KLHL28: variants seen among roughly 807,000 people sequenced by gnomAD.
KLHL28 encodes kelch like family member 28.
A neutral mutation model predicts 48.3 loss-of-function variants in KLHL28; 22 were observed. The observed-to-expected ratio is 0.46, with a 90% CI of 0.33 to 0.65. The LOEUF (loss-of-function observed/expected upper bound fraction) is 0.65. Among genes scored for constraint, KLHL28 ranks in the 30% least tolerant of loss-of-function variants. The pLI is 0.03. For missense variants in KLHL28, 527 were observed against 704.3 expected (o/e 0.75, Z 2.85); for synonymous variants, 243 against 242.4 (o/e 1.00, Z -0.02).
chr14:44,942,534 C>CT (rs934286278), intron 2 of KLHL28, among the ~76,000 whole-genome samples: 75 of 144,590 alleles, frequency 5.2e-4, no homozygotes, highest in Middle Eastern at 3.7e-3. Context: ...ACATAAAAGT[C>CT]TTTTTTTTTT....
chr14:44,947,179 G>A (rs1884374665), intron 1 of KLHL28, among the ~76,000 whole-genome samples: 1 of 152,206 alleles, frequency 6.6e-6, no homozygotes. Context: ...GAAGGCAGAA[G>A]GAGACGTGAC....
rs1413172682 is a variant in KLHL28 at position 44,945,386 on chromosome 14, C to G, written c.543G>C (p.Leu181Phe). 1.2e-6 allele frequency: 2 copies of G among 1,614,124 alleles called. No homozygotes were observed. Among genetic ancestry groups the G allele is most frequent in the Non-Finnish European group, 1.7e-6 (2 of 1,180,018 alleles). ...EEFFELTHAD[L>F]DEIVSNDCLN... Reference sequence around the variant, plus strand: ...AACAGTCATTGGAAACAATTTCATCCAAGTCAGCATGTGTAAGCTCAAAAA... The same window carrying G: ...AACAGTCATTGGAAACAATTTCATCGAAGTCAGCATGTGTAAGCTCAAAAA... Residue 181 changes from leucine (L) to phenylalanine (F), a missense_variant, in exon 2 of 5, where the codon TTG becomes TTC. Coordinates refer to ENST00000396128, the MANE Select transcript of KLHL28 (RefSeq NM_017658.5).
chr14:44,938,285 T>C lies in KLHL28; in HGVS notation c.900-3727A>G, dbSNP rs1412329574. Among the ~76,000 whole-genome samples the C allele has an allele frequency of 3.3e-5, 5 of 151,962 alleles. No individual in the cohort carries two copies. The East Asian group carries it at 7.7e-4, about 24-fold the overall frequency. On this transcript the variant is annotated intron_variant, in intron 2 of 4. Transcript: ENST00000396128. Reference sequence around the variant, plus strand: ...ACACAATGGTGAGAAAGGCAGAGAATAGATATTCTCCTTCCAAAAGGGAGA... The same window carrying C: ...ACACAATGGTGAGAAAGGCAGAGAACAGATATTCTCCTTCCAAAAGGGAGA...
intron 2 of KLHL28, among the ~76,000 whole-genome samples, chr14:44,936,446 A>T (rs948567042): frequency 2.0e-5 from 3 of 152,178 alleles, no homozygotes; most frequent in African/African-American, 7.2e-5. Context: ...TGGTCTTAGA[A>T]ATAACTTGGC....
At chr14:44,943,845 G>A (rs1404678788) in intron 2 of KLHL28, among the ~76,000 whole-genome samples, 1 of 151,452 alleles carries the variant, frequency 6.6e-6, no homozygotes, top group Non-Finnish European at 1.5e-5. Context: ...CTCCTGATTA[G>A]CTGGGACTAC....
Position 44,952,760 on chromosome 14 carries a change from A to ATGGT in KLHL28, c.1-6833_1-6832insACCA, listed in dbSNP as rs1245514822. On this transcript the variant is annotated intron_variant, in intron 1 of 4. Coordinates refer to ENST00000396128, the MANE Select transcript of KLHL28 (RefSeq NM_017658.5). ...CTGTGACTATATTTGGTTCTCAGCT[A>ATGGT]TCTACCCATAAATGGCTAAAAAAAG... Among the ~76,000 whole-genome samples the ATGGT allele has an allele frequency of 5.2e-3, 792 of 152,316 alleles. 9 individuals are homozygous for ATGGT. The highest frequency in any genetic ancestry group is 0.018 in the African/African-American group (735 of 41,576).
intron 1 of KLHL28, chr14:44,960,870 T>C (rs1208518422): frequency 6.8e-7 from 1 of 1,467,372 alleles, no homozygotes; most frequent in East Asian, 2.5e-5. Context: ...TTAAAAAGTA[T>C]TTAAGAGAAA....
intron 2 of KLHL28, among the ~76,000 whole-genome samples, chr14:44,944,377 T>C (rs547870605): frequency 8.5e-5 from 13 of 152,342 alleles, no homozygotes; most frequent in African/African-American, 3.1e-4. Flanking sequence ...CAGAGTTAAG[T>C]AGATGCCACA....
rs867860974 is a variant in KLHL28, at chr14:44,934,030, C to G, written c.1343+85G>C. The G allele has an allele frequency of 2.7e-6, 3 of 1,101,130 alleles. No homozygotes were observed. In the Middle Eastern group the frequency reaches 6.3e-4, roughly 232 times the overall value. 68.2% of individuals were successfully genotyped at this position (1,101,130 alleles called of 1,614,324 possible). ...AATGCCGGAAGTTCATTCATACACA[C>G]AAATTGTTTAAAACTCAGAAATCAT... On this transcript the variant is annotated intron_variant, in intron 3 of 4. Transcript: ENST00000396128.
At chr14:44,939,461 C>T (rs986423601) in intron 2 of KLHL28, among the ~76,000 whole-genome samples, 20 of 152,252 alleles carry the variant, frequency 1.3e-4, no homozygotes, top group East Asian at 3.9e-4. Context: ...CTTTCTGTTC[C>T]GCTTACCATT....
At position 44,932,758 on chromosome 14, in the gene KLHL28, T is replaced by A. The variant is rs530005368; in HGVS notation, c.1344-1217A>T. On this transcript the variant is annotated intron_variant, in intron 3 of 4. Coordinates refer to ENST00000396128, the MANE Select transcript of KLHL28 (RefSeq NM_017658.5). ...TAATCAAATTTAAAATACTTAACCT[T>A]TTATCTTACAAATTTTGGGCAGAAG... Among the ~76,000 whole-genome samples, 8 of 152,270 alleles carry A rather than the reference T, an allele frequency of 5.3e-5. No homozygotes were observed. In the East Asian group the frequency reaches 1.5e-3, roughly 29 times the overall value.
At chr14:44,959,230 C>G (rs1594588377) in intron 1 of KLHL28, 1 of 152,036 alleles carries the variant, frequency 6.6e-6, no homozygotes, top group Non-Finnish European at 1.5e-5. Flanking sequence ...CTTCCTCTGT[C>G]CAATTACTCT....
At chr14:44,960,057 A>T (rs1307373833) in intron 1 of KLHL28, among the ~76,000 whole-genome samples, 1 of 152,234 alleles carries the variant, frequency 6.6e-6, no homozygotes, top group East Asian at 1.9e-4. Context: ...TATGGAGACT[A>T]ATGCCTCTTC....
chr14:44,937,107 CTT>C (rs928699637), intron 2 of KLHL28, among the ~76,000 whole-genome samples: 3 of 151,436 alleles, frequency 2.0e-5, no homozygotes, highest in African/African-American at 7.3e-5. Context: ...ACTCTTAAGA[CTT>C]AGTGTCAGAA....
At chr14:44,945,952 G>C in intron 1 of KLHL28, 24 bp from the exon 2 acceptor site, 8 of 1,586,218 alleles carry the variant, frequency 5.0e-6, no homozygotes, top group African/African-American at 1.3e-5. Flanking sequence ...AAAAAGCATA[G>C]ACAGTTATTT....
rs1397426973 is a variant in KLHL28 at position 44,924,701 on chromosome 14, C to T, written c.*4327G>A. On this transcript the variant is annotated 3_prime_UTR_variant, in exon 5 of 5. Transcript: ENST00000396128. ...CATAAGGCAAAAATATAGGCATTATCATCCAGTTCTTTAACTTCACTTGTA... is the reference window on the plus strand; with the variant it reads ...CATAAGGCAAAAATATAGGCATTATTATCCAGTTCTTTAACTTCACTTGTA... 6.6e-6 allele frequency: 1 copy of T among 152,624 alleles called. No homozygotes were observed. The highest frequency in any genetic ancestry group is 1.5e-5 in the Non-Finnish European group (1 of 68,018). The allele number at this position is 152,624 out of a possible 1,614,324, so 9.5% of individuals were successfully genotyped here. A position where few individuals can be genotyped will look rare whatever the true frequency, so the allele number is the denominator to read the frequency against.
At position 44,945,346 on chromosome 14, in the gene KLHL28, C is replaced by T. The variant is rs780155784; in HGVS notation, c.583G>A (p.Glu195Lys). The T allele has an allele frequency of 1.2e-6, 2 of 1,614,132 alleles. No individual in the cohort carries two copies. Among genetic ancestry groups the T allele is most frequent in the South Asian group, 1.1e-5 (1 of 91,076 alleles). The change falls in exon 2 of 5, where the codon GAA (glutamate) becomes AAA (lysine). Residue 195 changes from glutamate (E) to lysine (K), a missense_variant. By Grantham distance (56) the Glu-to-Lys change is moderately conservative (BLOSUM62 1). Transcript: ENST00000396128. ...VSNDCLNVATEETVFYALESW... is the reference protein window; with the variant it reads ...VSNDCLNVATKETVFYALESW... ...TCTAATGCATAAAAAACAGTCTCTT[C>T]GGTAGCTACATTCAAACAGTCATTG...
Position 44,925,646 on chromosome 14 carries a change from T to A in KLHL28, c.*3382A>T. On this transcript the variant is annotated 3_prime_UTR_variant, in exon 5 of 5. Coordinates refer to ENST00000396128, the MANE Select transcript of KLHL28 (RefSeq NM_017658.5). ...AGCTCCCACAGCATCTAACAGAATA[T>A]CTCATACATATAGCAAACCCTCCAT... 6.6e-6 allele frequency: 1 copy of A among 152,144 alleles called. No individual in the cohort carries two copies. The highest frequency in any genetic ancestry group is 1.5e-5 in the Non-Finnish European group (1 of 67,986). The allele number at this position is 152,144 out of a possible 1,614,324, so 9.4% of individuals were successfully genotyped here. A position where few individuals can be genotyped will look rare whatever the true frequency, so the allele number is the denominator to read the frequency against.
At chr14:44,940,699 GTCTC>G (rs1360949101) in intron 2 of KLHL28, among the ~76,000 whole-genome samples, 6 of 152,260 alleles carry the variant, frequency 3.9e-5, no homozygotes, top group South Asian at 2.1e-4. Context: ...GGCATAAAGA[GTCTC>G]TCTTTCTCCT....
Sources: allele counts gnomAD v4.1 joint callset (sites outside exome capture counted in the v4.1 genomes callset), GRCh38; gene constraint gnomAD v4.1.1; transcripts MANE v1.5; gene names NCBI Gene and HGNC (gene_info 2026-07-23, HGNC 2026-07-21).